Variants in ZNF503 observed in about 807,000 individuals in gnomAD.
The protein encoded by ZNF503 is NocA-like zinc finger 2.
In ZNF503, 15 loss-of-function variants were observed where a neutral mutation model predicts 34.4. That is an observed-to-expected ratio of 0.44 (90% CI 0.29 to 0.67). The LOEUF is 0.67. Among genes scored for constraint, ZNF503 ranks in the 30% least tolerant of loss-of-function variants. The pLI is 0.13. For synonymous variants in ZNF503, 580 were observed against 456.8 expected (o/e 1.27, Z -3.44); for missense variants, 1,007 against 926.8 (o/e 1.09, Z -1.12).
chr10:75,329,426 CCTTCCTTCCTTT>C, the ZNF503 span, among the ~76,000 whole-genome samples: 8 of 125,468 alleles, frequency 6.4e-5, no homozygotes, highest in East Asian at 4.5e-4. Flanking sequence ...TTCCTTCCTT[CCTTCCTTCCTTT>C]CTTTCTTTCT....
At chr10:75,304,125 CG>C in the ZNF503 span, among the ~76,000 whole-genome samples, 1 of 152,196 alleles carries the variant, frequency 6.6e-6, no homozygotes, top group Non-Finnish European at 1.5e-5. Flanking sequence ...TGAGCCACCA[CG>C]CCTTTTGGCC....
the ZNF503 span, among the ~76,000 whole-genome samples, chr10:75,353,019 G>A: frequency 6.6e-6 from 1 of 152,210 alleles, no homozygotes; most frequent in Non-Finnish European, 1.5e-5. Flanking sequence ...CCCGAGGGGG[G>A]GCACCTCTGT....
chr10:75,365,611 C>T, the ZNF503 span, among the ~76,000 whole-genome samples: 3 of 152,212 alleles, frequency 2.0e-5, no homozygotes, highest in African/African-American at 7.2e-5. Context: ...CCAGACACTG[C>T]CTGAGTTCAT....
At chr10:75,368,313 G>T in the ZNF503 span, among the ~76,000 whole-genome samples, 9 of 152,152 alleles carry the variant, frequency 5.9e-5, no homozygotes, top group African/African-American at 2.2e-4. Flanking sequence ...AAAATAAGCA[G>T]ATTTTCAAGG....
the ZNF503 span, among the ~76,000 whole-genome samples, chr10:75,362,190 G>T: frequency 6.6e-6 from 1 of 152,102 alleles, no homozygotes; most frequent in Admixed American, 6.6e-5. Context: ...GCACCTTAAT[G>T]CGGCCATATT....
the ZNF503 span, among the ~76,000 whole-genome samples, chr10:75,303,722 T>C: frequency 6.6e-6 from 1 of 152,168 alleles, no homozygotes. Context: ...GATGGTGTGC[T>C]AGAGGGTGAG....
the ZNF503 span, among the ~76,000 whole-genome samples, chr10:75,385,410 TG>T: frequency 6.6e-6 from 1 of 152,190 alleles, no homozygotes; most frequent in East Asian, 1.9e-4. Flanking sequence ...TGAGGCTTAG[TG>T]GGGAGGGCTC....
chr10:75,397,408 C>T (rs1843714051), downstream of ZNF503, among the ~76,000 whole-genome samples: 1 of 152,188 alleles, frequency 6.6e-6, no homozygotes, highest in Non-Finnish European at 1.5e-5. Flanking sequence ...CGCTGCCCCA[C>T]GTCCCCGAGG....
chr10:75,368,143 C>A, the ZNF503 span, among the ~76,000 whole-genome samples: 2 of 152,196 alleles, frequency 1.3e-5, no homozygotes, highest in African/African-American at 2.4e-5. Context: ...TTAGGCTACC[C>A]ACTGCCCTAT....
chr10:75,280,488 T>C, the ZNF503 span, among the ~76,000 whole-genome samples: 1 of 152,004 alleles, frequency 6.6e-6, no homozygotes, highest in Admixed American at 6.6e-5. Flanking sequence ...GAAGCTCAGA[T>C]TGTGCCAGAA....
chr10:75,289,763 A>G, the ZNF503 span, among the ~76,000 whole-genome samples: 3 of 151,950 alleles, frequency 2.0e-5, no homozygotes, highest in Non-Finnish European at 4.4e-5. Flanking sequence ...ACGGGGTTTC[A>G]CCATGTTGAC....
At chr10:75,365,813 C>G in the ZNF503 span, among the ~76,000 whole-genome samples, 5 of 152,170 alleles carry the variant, frequency 3.3e-5, no homozygotes, top group Non-Finnish European at 5.9e-5. Context: ...CAGTAACTGT[C>G]TGCTTAGGTT....
the ZNF503 span, among the ~76,000 whole-genome samples, chr10:75,338,108 A>T: frequency 3.9e-5 from 6 of 152,256 alleles, no homozygotes; most frequent in African/African-American, 1.4e-4. Flanking sequence ...GTTTCTTAAG[A>T]ATAGAAACAG....
At chr10:75,345,973 CTG>C in the ZNF503 span, among the ~76,000 whole-genome samples, 2 of 152,204 alleles carry the variant, frequency 1.3e-5, no homozygotes, top group African/African-American at 2.4e-5. Flanking sequence ...GGGGGTCAAA[CTG>C]TGCGGAATCA....
Position 75,400,000 on chromosome 10 carries a change from G to A in ZNF503, c.690C>T (p.Ser230=), listed in dbSNP as rs199564362. ...CCGGCGAGCAGGCCGAGGCGCTGGA[G>A]CTCGGGCTGCCTGTCCTGGGCGTGA... is the stretch of plus-strand genomic sequence containing the variant. ...QPFTPRTGSP[S]SSASACSPGG... is the part of the protein sequence containing the mutation. The change falls in exon 2 of 2, where the codon AGC becomes AGT. Residue 230 remains serine, a synonymous_variant. Transcript: ENST00000372524. 1,754 of 1,604,932 alleles carry A rather than the reference G, an allele frequency of 1.1e-3. 1 individual carries two copies. The highest frequency in any genetic ancestry group is 1.4e-3 in the Non-Finnish European group (1,650 of 1,179,058).
the ZNF503 span, among the ~76,000 whole-genome samples, chr10:75,284,963 T>C: frequency 6.6e-6 from 1 of 152,220 alleles, no homozygotes; most frequent in Non-Finnish European, 1.5e-5. Context: ...AAGTCAGGCA[T>C]ACTACACTGA....
chr10:75,337,053 G>C, the ZNF503 span, among the ~76,000 whole-genome samples: 1 of 152,208 alleles, frequency 6.6e-6, no homozygotes, highest in Non-Finnish European at 1.5e-5. Flanking sequence ...GCAGGGTGTG[G>C]TGGCTCACAC....
At position 75,399,373 on chromosome 10, in the gene ZNF503, G is replaced by A. The variant is rs753207048; in HGVS notation, c.1317C>T (p.Ser439=). Residue 439 remains serine, a synonymous_variant, in exon 2 of 2, where the codon AGC becomes AGT. Coordinates refer to ENST00000372524, the MANE Select transcript of ZNF503 (RefSeq NM_032772.6). ...TGGCGGCCGCCGCCCCTGCCAGGTG[G>A]CTAGCGCAGTGGTAGCTGAGGCAGT... The part of the protein sequence containing the change: ...DPYCLSYHCA[S]HLAGAAAASA... 11 of 1,606,674 alleles carry A rather than the reference G, an allele frequency of 6.8e-6. No homozygotes were observed. In the South Asian group the frequency reaches 1.2e-4, roughly 18 times the overall value.
chr10:75,305,381 G>A, the ZNF503 span, among the ~76,000 whole-genome samples: 2 of 151,980 alleles, frequency 1.3e-5, no homozygotes, highest in African/African-American at 4.8e-5. Flanking sequence ...AATAAGAAGT[G>A]TAACATACTG....
Sources: gnomAD v4.1 joint callset for allele counts (sites outside exome capture counted in the v4.1 genomes callset) on GRCh38, gnomAD v4.1.1 for gene constraint, MANE v1.5 for transcripts, NCBI Gene and HGNC (gene_info 2026-07-23, HGNC 2026-07-21) for gene names.